PLEKHM2: variants seen among roughly 807,000 people sequenced by gnomAD.
The protein encoded by PLEKHM2 is pleckstrin homology and RUN domain containing M2.
In PLEKHM2, 77 loss-of-function variants were observed where a neutral mutation model predicts 116.3. The ratio of observed to expected loss-of-function variants is 0.66; its 90% CI spans 0.55 to 0.80. The LOEUF (loss-of-function observed/expected upper bound fraction) is 0.80, where lower values mean the gene tolerates loss of function less well. PLEKHM2 is among the 30% of genes least tolerant of loss of function. The pLI is 0.00. For missense variants in PLEKHM2, 1,183 were observed against 1,354.9 expected, an observed-to-expected ratio of 0.87 and a Z score of 1.99; for synonymous variants, 562 against 571.0, an observed-to-expected ratio of 0.98 and a Z score of 0.22.
chr1:15,721,292 T>C lies in PLEKHM2; in HGVS notation c.653-37T>C, dbSNP rs142928865. ...CCTCCAGTCATCCTTCCACTGCCTGTGTTTCTAATCTTCAGTTTTGTCCCT... is the reference window on the plus strand; with the variant it reads ...CCTCCAGTCATCCTTCCACTGCCTGCGTTTCTAATCTTCAGTTTTGTCCCT... On this transcript the variant is annotated intron_variant, in intron 6 of 19. Transcript: ENST00000375799. The surrounding 1 kb of genome is among the most constrained non-coding windows in gnomAD (Gnocchi z 5.1). The C allele has an allele frequency of 1.1e-3, 1,407 of 1,265,666 alleles. 20 individuals are homozygous for C. In the East Asian group the frequency reaches 0.027, roughly 24 times the overall value. 78.4% of individuals were successfully genotyped at this position (1,265,666 alleles called of 1,614,324 possible).
intron 7 of PLEKHM2, among the ~76,000 whole-genome samples, chr1:15,722,362 T>C (rs542285902): frequency 2.0e-3 from 298 of 152,330 alleles, no homozygotes; most frequent in Non-Finnish European, 3.5e-3. Context: ...CAGGCTGGTC[T>C]CAAACTCCTG....
chr1:15,692,405 C>T (rs563685698), intron 1 of PLEKHM2, among the ~76,000 whole-genome samples: 2 of 152,130 alleles, frequency 1.3e-5, no homozygotes, highest in East Asian at 3.9e-4. Flanking sequence ...TTCTCAGTAG[C>T]TATTTCCCTT....
rs537871625 is a variant in PLEKHM2, at chr1:15,732,532, G to T, written c.2805+3G>T. On this transcript the variant is annotated splice_donor_region_variant and intron_variant, in intron 18 of 19. Coordinates refer to ENST00000375799, the MANE Select transcript of PLEKHM2 (RefSeq NM_015164.4). ...CGGGCAAGGAGTACTGCGTCTTGGT[G>T]AGCTTTGAGTGGGGGCGGGGCTGCA... The T allele has an allele frequency of 6.2e-7, 1 of 1,609,490 alleles. No homozygotes were observed. The highest frequency in any genetic ancestry group is 1.3e-5 in the African/African-American group (1 of 74,972).
At position 15,731,890 on chromosome 1, in the gene PLEKHM2, G is replaced by C. The variant is rs913977739; in HGVS notation, c.2467G>C (p.Gly823Arg). The C allele has an allele frequency of 6.2e-7, 1 of 1,610,282 alleles. No individual in the cohort carries two copies. Among genetic ancestry groups the C allele is most frequent in the African/African-American group, 1.3e-5 (1 of 74,872 alleles). Residue 823 changes from glycine (G) to arginine (R), a missense_variant and splice_region_variant, in exon 17 of 20, where the codon GGG (glycine) becomes CGG (arginine). Around this residue, in one of 3 missense-constraint regions of PLEKHM2, gnomAD observed 594 missense variants for 720.1 expected, o/e 0.82. Coordinates refer to ENST00000375799, the MANE Select transcript of PLEKHM2 (RefSeq NM_015164.4). Reference protein sequence around the residue: ...VIPLLSVNMGGEQCGGCRRAN... With the variant: ...VIPLLSVNMGREQCGGCRRAN... Reference sequence around the variant, plus strand: ...TTTCACCCTCCTCCTCTGGCCCAGGGGGGAGCAGTGCGGTGGCTGCCGGAG... The same window carrying C: ...TTTCACCCTCCTCCTCTGGCCCAGGCGGGAGCAGTGCGGTGGCTGCCGGAG...
chr1:15,710,213 C>T (rs1267080782), intron 1 of PLEKHM2, among the ~76,000 whole-genome samples: 5 of 133,826 alleles, frequency 3.7e-5, no homozygotes, highest in East Asian at 2.1e-4. Context: ...GGCGACAGAG[C>T]GAGACTCCAT....
Position 15,684,531 on chromosome 1 carries a change from T to TGGCGGTGGCGGC in PLEKHM2, c.-26_-15dup, listed in dbSNP as rs1174190046. ...GGCGGGGCGGCGGCGGCGGTGGCGG[T>TGGCGGTGGCGGC]GGCGGTGGCGGCGACGGTGGCAGCG... On this transcript the variant is annotated 5_prime_UTR_variant, in exon 1 of 20. Coordinates refer to ENST00000375799, the MANE Select transcript of PLEKHM2 (RefSeq NM_015164.4). 25 of 1,149,462 alleles carry TGGCGGTGGCGGC rather than the reference T, an allele frequency of 2.2e-5. No individual in the cohort carries two copies. Among genetic ancestry groups the TGGCGGTGGCGGC allele is most frequent in the Middle Eastern group, 3.1e-4 (1 of 3,214 alleles). 71.2% of individuals were successfully genotyped at this position (1,149,462 alleles called of 1,614,324 possible). A position where few individuals can be genotyped will look rare whatever the true frequency, so the allele number is the denominator to read the frequency against.
rs1400154699 is a variant in PLEKHM2 at position 15,717,967 on chromosome 1, G to A, written c.352G>A (p.Gly118Ser). Residue 118 changes from glycine to serine, a missense_variant, in exon 4 of 20, where the codon GGC becomes AGC. Gly to Ser is a moderately conservative substitution (Grantham distance 56, BLOSUM62 0). Transcript: ENST00000375799. ...CCTGCGGTTGTTCCAGGAGAACCTG[G>A]GCCTGCTGCATAAGTACTACGTCAA... is the stretch of plus-strand genomic sequence containing the variant. ...SYLRLFQENL[G>S]LLHKYYVKNA... 4 of 1,595,682 alleles carry A rather than the reference G, an allele frequency of 2.5e-6. No homozygotes were observed. Among genetic ancestry groups the A allele is most frequent in the Non-Finnish European group, 3.4e-6 (4 of 1,170,812 alleles).
At chr1:15,724,353 C>T (rs1166247663) in intron 7 of PLEKHM2, among the ~76,000 whole-genome samples, 1 of 152,102 alleles carries the variant, frequency 6.6e-6, no homozygotes, top group African/African-American at 2.4e-5. Flanking sequence ...CATGGTGGCG[C>T]ATGCCTGTAA....
At chr1:15,706,999 G>A (rs1044998008) in intron 1 of PLEKHM2, among the ~76,000 whole-genome samples, 1 of 152,030 alleles carries the variant, frequency 6.6e-6, no homozygotes, top group Non-Finnish European at 1.5e-5. Flanking sequence ...TGCCACCTCT[G>A]CTGCAGGCTC....
At chr1:15,716,188 C>T in intron 1 of PLEKHM2, 49 bp from the exon 2 acceptor site, 1 of 1,155,722 alleles carries the variant, frequency 8.7e-7, no homozygotes, top group Non-Finnish European at 1.2e-6. Flanking sequence ...ACTTTTGTAG[C>T]CTTCCTCTTA....
At chr1:15,725,663 T>C in intron 8 of PLEKHM2, 118 bp downstream of exon 8, 1 of 704,288 alleles carries the variant, frequency 1.4e-6, no homozygotes. Flanking sequence ...TTGCATGCCT[T>C]CCTGGAAACC....
At chr1:15,695,120 C>T (rs1216355405) in intron 1 of PLEKHM2, among the ~76,000 whole-genome samples, 3 of 152,158 alleles carry the variant, frequency 2.0e-5, no homozygotes, top group Non-Finnish European at 4.4e-5. Context: ...AAACATTGCA[C>T]AAATACATAA....
chr1:15,731,950 G>GT lies in PLEKHM2; in HGVS notation c.2528dup (p.Ile844HisfsTer53). On this transcript the variant is annotated frameshift_variant, in exon 17 of 20. Transcript: ENST00000375799. LOFTEE classifies it high-confidence loss of function. Reference sequence around the variant, plus strand: ...CACGGATCGGCCCCACGCCTTCCAGGTCATTCTCTCCGACCGGCCCTGCCT... The same window carrying GT: ...CACGGATCGGCCCCACGCCTTCCAGGTTCATTCTCTCCGACCGGCCCTGCCT... 6.2e-7 allele frequency: 1 copy of GT among 1,612,040 alleles called. No homozygotes were observed. The highest frequency in any genetic ancestry group is 8.5e-7 in the Non-Finnish European group (1 of 1,179,560).
At chr1:15,706,346 G>A (rs936501964) in intron 1 of PLEKHM2, among the ~76,000 whole-genome samples, 2 of 152,048 alleles carry the variant, frequency 1.3e-5, no homozygotes, top group African/African-American at 2.4e-5. Context: ...CTTTCCCCCC[G>A]GATGCCACAA....
intron 1 of PLEKHM2, among the ~76,000 whole-genome samples, chr1:15,704,706 C>G (rs900869368): frequency 1.3e-5 from 2 of 152,228 alleles, no homozygotes; most frequent in African/African-American, 4.8e-5. Flanking sequence ...CTGCTGCCCC[C>G]GCCCCTGCGC....
intron 8 of PLEKHM2, among the ~76,000 whole-genome samples, chr1:15,726,209 T>C (rs2068061951): frequency 6.6e-6 from 1 of 152,206 alleles, no homozygotes; most frequent in Admixed American, 6.5e-5. Flanking sequence ...GAAGTTAAGA[T>C]ACAATTTCTG....
At chr1:15,686,671 C>T (rs983137442) in intron 1 of PLEKHM2, among the ~76,000 whole-genome samples, 2 of 110,990 alleles carry the variant, frequency 1.8e-5, no homozygotes, top group Middle Eastern at 4.9e-3. Flanking sequence ...TTTTTTGAGA[C>T]GGAGTCTCGC....
chr1:15,716,420 C>T (rs1641448063), intron 2 of PLEKHM2, 77 bp downstream of exon 2: 2 of 895,648 alleles, frequency 2.2e-6, no homozygotes, highest in South Asian at 3.0e-5. Context: ...AACCCTTAGC[C>T]TCTCTGCCTT....
chr1:15,727,122 C>T lies in PLEKHM2; in HGVS notation c.1050C>T (p.Asp350=), dbSNP rs370961093. The T allele has an allele frequency of 3.0e-5, 47 of 1,585,142 alleles. No homozygotes were observed. Among genetic ancestry groups the T allele is most frequent in the African/African-American group, 2.8e-4 (21 of 74,378 alleles). The stretch of plus-strand genomic sequence containing the variant: ...AGAAGAAATGTGCCAAGCAGGGGGA[C>T]GGTGACAGCCGCAACGGCAGCCCAA... The part of the protein sequence containing the change: ...CSQKKCAKQG[D]GDSRNGSPSL... Residue 350 remains aspartate, a synonymous_variant, in exon 9 of 20, where the codon GAC becomes GAT. Coordinates refer to ENST00000375799, the MANE Select transcript of PLEKHM2 (RefSeq NM_015164.4). The surrounding 1 kb of genome is among the most constrained non-coding windows in gnomAD (Gnocchi z 7.5).
Sources: gnomAD v4.1 joint callset for allele counts (sites outside exome capture counted in the v4.1 genomes callset) on GRCh38, gnomAD v4.1.1 for gene constraint, gnomAD v4.1.1 regional missense constraint, Gnocchi (gnomAD v3.1) non-coding constraint, MANE v1.5 for transcripts, NCBI Gene and HGNC (gene_info 2026-07-23, HGNC 2026-07-21) for gene names.